DCAF8L2: variants seen among roughly 807,000 people sequenced by gnomAD.
DCAF8L2 encodes the protein DDB1- and CUL4-associated factor 8-like protein 2.
For missense variants in DCAF8L2, 430 were observed against 490.7 expected, an observed-to-expected ratio of 0.88 and a Z score of 1.17; for synonymous variants, 200 against 190.9, an observed-to-expected ratio of 1.05 and a Z score of -0.39.
At chrX:27,592,945 C>T (rs145632950) in intron 1 of DCAF8L2, among the ~76,000 whole-genome samples, 3,364 of 109,828 alleles carry the variant, frequency 0.031, 62 homozygotes, top group African/African-American at 0.075. Flanking sequence ...ATTACAGGTG[C>T]CCGCCACCAC....
intron 2 of DCAF8L2, among the ~76,000 whole-genome samples, chrX:27,669,154 G>A (rs184672037): frequency 9.0e-6 from 1 of 111,408 alleles, no homozygotes; most frequent in African/African-American, 3.3e-5. Context: ...TAATATTCAT[G>A]TTGCCTCACT....
chrX:27,532,847 A>C, the DCAF8L2 span, among the ~76,000 whole-genome samples: 1 of 106,648 alleles, frequency 9.4e-6, no homozygotes, highest in African/African-American at 3.4e-5. Flanking sequence ...GGGCTGAAGC[A>C]GGAGGATCAC....
the DCAF8L2 span, among the ~76,000 whole-genome samples, chrX:27,530,515 C>A: frequency 9.0e-6 from 1 of 111,082 alleles, no homozygotes; most frequent in Non-Finnish European, 1.9e-5. Context: ...TGGGCTACTG[C>A]ACGTCATCTG....
At chrX:27,614,086 C>CT (rs1478317638) in intron 1 of DCAF8L2, among the ~76,000 whole-genome samples, 1 of 111,018 alleles carries the variant, frequency 9.0e-6, no homozygotes, top group Non-Finnish European at 1.9e-5. Flanking sequence ...TGGTCCTGGA[C>CT]TTTTTTTGGT....
chrX:27,488,048 T>A, the DCAF8L2 span, among the ~76,000 whole-genome samples: 1 of 112,312 alleles, frequency 8.9e-6, no homozygotes, highest in South Asian at 3.7e-4. Flanking sequence ...TAAATATTTG[T>A]TTAATATTTT....
the DCAF8L2 span, among the ~76,000 whole-genome samples, chrX:27,559,184 T>C: frequency 9.0e-6 from 1 of 111,229 alleles, no homozygotes; most frequent in Admixed American, 9.6e-5. Flanking sequence ...TACCCAGTCA[T>C]GGGTAGTTCT....
Position 27,656,173 on chromosome X carries a change from A to T in DCAF8L2, c.-219-21663A>T, listed in dbSNP as rs951726857. On this transcript the variant is annotated intron_variant, in intron 2 of 4. Transcript: ENST00000451261. ...CCATTACATTTATACATCTGTGATCACAAGATTGTTTATTATAGGATTCTA... is the reference window on the plus strand; with the variant it reads ...CCATTACATTTATACATCTGTGATCTCAAGATTGTTTATTATAGGATTCTA... 2.7e-5 allele frequency among the ~76,000 whole-genome samples: 3 copies of T among 112,136 alleles called. No homozygotes were observed. In the Admixed American group the frequency reaches 2.9e-4, roughly 11 times the overall value.
chrX:27,676,952 G>A (rs1355583786), intron 2 of DCAF8L2: 1 of 111,342 alleles, frequency 9.0e-6, no homozygotes, highest in African/African-American at 3.3e-5. Flanking sequence ...CTAGGAAAAA[G>A]AAGAGAGAGC....
the DCAF8L2 span, among the ~76,000 whole-genome samples, chrX:27,480,701 C>G: frequency 9.0e-6 from 1 of 111,541 alleles, no homozygotes; most frequent in Non-Finnish European, 1.9e-5. Flanking sequence ...TCTGCAGGTG[C>G]AAATCCATGA....
chrX:27,488,892 G>A, the DCAF8L2 span, among the ~76,000 whole-genome samples: 2 of 109,726 alleles, frequency 1.8e-5, no homozygotes, highest in Admixed American at 2.0e-4. Flanking sequence ...GTCTTCAAGC[G>A]ATCCTCCCAC....
chrX:27,710,664 T>C (rs1004015558), intron 3 of DCAF8L2, among the ~76,000 whole-genome samples: 4 of 112,596 alleles, frequency 3.6e-5, no homozygotes, highest in Non-Finnish European at 7.5e-5. Flanking sequence ...CATTCTCCTA[T>C]TTTAACAATT....
the DCAF8L2 span, among the ~76,000 whole-genome samples, chrX:27,511,669 G>A: frequency 5.3e-5 from 6 of 112,206 alleles, no homozygotes; most frequent in Admixed American, 1.9e-4. Flanking sequence ...TAGCAACCTT[G>A]AGGAAAGTCA....
At chrX:27,560,267 C>CAA in the DCAF8L2 span, among the ~76,000 whole-genome samples, 3 of 81,463 alleles carry the variant, frequency 3.7e-5, no homozygotes, top group Admixed American at 1.4e-4. Flanking sequence ...ATATCCATCT[C>CAA]AAAAAAAAAA....
the DCAF8L2 span, among the ~76,000 whole-genome samples, chrX:27,556,135 C>T: frequency 9.0e-6 from 1 of 111,420 alleles, no homozygotes; most frequent in Non-Finnish European, 1.9e-5. Context: ...CCAAGTTTGT[C>T]GCTCATTGGG....
the DCAF8L2 span, among the ~76,000 whole-genome samples, chrX:27,498,163 C>T: frequency 8.9e-6 from 1 of 112,111 alleles, no homozygotes; most frequent in Admixed American, 9.5e-5. Flanking sequence ...CTTTTCAAGA[C>T]CTTGCTCAAT....
chrX:27,523,241 T>G, the DCAF8L2 span, among the ~76,000 whole-genome samples: 1 of 111,956 alleles, frequency 8.9e-6, no homozygotes, highest in Non-Finnish European at 1.9e-5. Flanking sequence ...AGAATTGAAC[T>G]TAGGCAGTTT....
Position 27,677,920 on chromosome X carries a change from T to G in DCAF8L2, c.-143+8T>G, listed in dbSNP as rs1274021139. 1 of 111,277 alleles carries G rather than the reference T, an allele frequency of 9.0e-6. No individual in the cohort carries two copies. The highest frequency in any genetic ancestry group is 3.8e-4 in the South Asian group (1 of 2,662). 9.2% of individuals were successfully genotyped at this position (111,277 alleles called of 1,213,427 possible). A position where few individuals can be genotyped will look rare whatever the true frequency, so the allele number is the denominator to read the frequency against. On this transcript the variant is annotated splice_region_variant and intron_variant, in intron 3 of 4. Transcript: ENST00000451261. ...AGCGGTGCTAATAAGGAGGTAAGAGTGGATGTAGATAAATCTGTTAGGAGG... is the reference window on the plus strand; with the variant it reads ...AGCGGTGCTAATAAGGAGGTAAGAGGGGATGTAGATAAATCTGTTAGGAGG...
the DCAF8L2 span, among the ~76,000 whole-genome samples, chrX:27,559,748 A>G: frequency 9.0e-6 from 1 of 111,649 alleles, no homozygotes. Flanking sequence ...TGCCTCTGCC[A>G]TGGAGGATGA....
chrX:27,481,196 G>C, the DCAF8L2 span, among the ~76,000 whole-genome samples: 1 of 110,038 alleles, frequency 9.1e-6, no homozygotes, highest in Non-Finnish European at 1.9e-5. Context: ...TGGCCAACAT[G>C]GTAAAACCCC....
Sources: allele counts gnomAD v4.1 joint callset (sites outside exome capture counted in the v4.1 genomes callset), GRCh38; gene constraint gnomAD v4.1.1; transcripts MANE v1.5; gene names NCBI Gene and HGNC (gene_info 2026-07-23, HGNC 2026-07-21).